GOLM1: variants seen among roughly 807,000 people sequenced by gnomAD.
The protein encoded by GOLM1 is golgi membrane protein 1.
In GOLM1, 31 loss-of-function variants were observed where a neutral mutation model predicts 50.5. The ratio of observed to expected loss-of-function variants is 0.61; its 90% confidence interval spans 0.46 to 0.83. The LOEUF (loss-of-function observed/expected upper bound fraction) is 0.83, where lower values mean the gene tolerates loss of function less well. GOLM1 is among the 40% of genes least tolerant of loss of function. The pLI is 0.00. For missense variants in GOLM1, 491 were observed against 501.3 expected (o/e 0.98, Z 0.20); for synonymous variants, 178 against 192.8 (o/e 0.92, Z 0.64).
At chr9:86,053,270 ACCACACCACACACCATT>A (rs1202077054) in intron 3 of GOLM1, among the ~76,000 whole-genome samples, 16 of 131,116 alleles carry the variant, frequency 1.2e-4, no homozygotes, top group South Asian at 7.8e-4. Flanking sequence ...ACAACGCCAG[ACCACACCACACACCATT>A]CCACACCACA....
chr9:86,062,346 G>GC lies in GOLM1; in HGVS notation c.310-9756dup, dbSNP rs1834184456. On this transcript the variant is annotated intron_variant, in intron 3 of 9. Coordinates refer to ENST00000388712, the MANE Select transcript of GOLM1 (RefSeq NM_016548.4). ...CAAGACTGGCTCACACCCTCCCCCA[G>GC]CATCTCCTGCACAGGGCACACTGCA... is the stretch of plus-strand genomic sequence containing the variant. Among the ~76,000 whole-genome samples, 3 of 152,078 alleles carry GC rather than the reference G, an allele frequency of 2.0e-5. 1 individual carries two copies. The highest frequency in any genetic ancestry group is 2.0e-4 in the Admixed American group (3 of 15,276).
intron 5 of GOLM1, among the ~76,000 whole-genome samples, chr9:86,044,448 A>G (rs1833466856): frequency 6.6e-6 from 1 of 152,226 alleles, no homozygotes. Context: ...ACGTGAGGCA[A>G]CTGATTCTCC....
chr9:86,094,621 T>C (rs556468962), intron 1 of GOLM1, among the ~76,000 whole-genome samples: 18 of 152,266 alleles, frequency 1.2e-4, no homozygotes, highest in African/African-American at 3.1e-4. Flanking sequence ...TGAAGAAAGG[T>C]TGAACCACCG....
At chr9:86,075,844 A>C (rs1374019170) in intron 3 of GOLM1, among the ~76,000 whole-genome samples, 1 of 152,206 alleles carries the variant, frequency 6.6e-6, no homozygotes, top group African/African-American at 2.4e-5. Context: ...ATATCTCACC[A>C]GTAAGAAAAG....
Position 86,033,413 on chromosome 9 carries a change from A to G in GOLM1, c.1016-18T>C, listed in dbSNP as rs373476882. On this transcript the variant is annotated intron_variant, in intron 8 of 9. Coordinates refer to ENST00000388712, the MANE Select transcript of GOLM1 (RefSeq NM_016548.4). ...GTTTCTCCCTGTAAAATTAGCACAT[A>G]AAACATAAGCTACATCATTTCTGTC... 2 of 1,417,782 alleles carry G rather than the reference A, an allele frequency of 1.4e-6. No homozygotes were observed. Among genetic ancestry groups the G allele is most frequent in the Non-Finnish European group, 2.0e-6 (2 of 1,000,828 alleles). The allele number at this position is 1,417,782 out of a possible 1,614,324, so 87.8% of individuals were successfully genotyped here.
chr9:86,090,623 T>C (rs1174516722), intron 1 of GOLM1, among the ~76,000 whole-genome samples: 1 of 152,004 alleles, frequency 6.6e-6, no homozygotes, highest in Non-Finnish European at 1.5e-5. Context: ...AACTTCAGAC[T>C]GCTGTGCTGG....
Position 86,026,275 on chromosome 9 carries a change from G to T in GOLM1, c.*1542C>A, listed in dbSNP as rs1051622555. 7.1e-6 allele frequency: 7 copies of T among 984,982 alleles called. No homozygotes were observed. In the African/African-American group the frequency reaches 8.7e-5, roughly 12 times the overall value. 61.0% of individuals were successfully genotyped at this position (984,982 alleles called of 1,614,324 possible). ...CCCAAGGAGGACTCAAAGTGAGGCT[G>T]GAAGAGGACTTAGAAGAGTATGAAA... On this transcript the variant is annotated 3_prime_UTR_variant, in exon 10 of 10. Coordinates refer to ENST00000388712, the MANE Select transcript of GOLM1 (RefSeq NM_016548.4).
At chr9:86,051,550 C>T in intron 4 of GOLM1, among the ~76,000 whole-genome samples, 1 of 152,016 alleles carries the variant, frequency 6.6e-6, no homozygotes, top group South Asian at 2.1e-4. Context: ...GGGGCACGCA[C>T]CCAATTATTA....
intron 1 of GOLM1, among the ~76,000 whole-genome samples, chr9:86,080,582 C>T (rs1286486664): frequency 1.3e-5 from 2 of 152,206 alleles, no homozygotes; most frequent in African/African-American, 2.4e-5. Context: ...AACTGATCCT[C>T]ACCCTATGGT....
At chr9:86,096,906 A>T (rs1431998194) in intron 1 of GOLM1, among the ~76,000 whole-genome samples, 3 of 152,166 alleles carry the variant, frequency 2.0e-5, no homozygotes, top group Non-Finnish European at 2.9e-5. Context: ...AGCAAATTAC[A>T]ATATAAACAA....
At chr9:86,030,053 A>T (rs1252483031) in intron 9 of GOLM1, among the ~76,000 whole-genome samples, 1 of 152,052 alleles carries the variant, frequency 6.6e-6, no homozygotes, top group Non-Finnish European at 1.5e-5. Flanking sequence ...CTGTACTGAA[A>T]ATACAAAATT....
intron 3 of GOLM1, among the ~76,000 whole-genome samples, chr9:86,067,118 T>C (rs1369171447): frequency 6.6e-6 from 1 of 152,208 alleles, no homozygotes; most frequent in Non-Finnish European, 1.5e-5. Context: ...GTATTTTTAG[T>C]AGAGACGGCA....
At chr9:86,044,911 C>T (rs1214898664) in intron 5 of GOLM1, among the ~76,000 whole-genome samples, 1 of 151,056 alleles carries the variant, frequency 6.6e-6, no homozygotes, top group African/African-American at 2.4e-5. Context: ...GAGATCGTAC[C>T]ACTGCACTCT....
intron 6 of GOLM1, chr9:86,036,764 G>A (rs952318812): frequency 4.2e-6 from 2 of 473,712 alleles, no homozygotes; most frequent in Non-Finnish European, 7.4e-6. Context: ...CTGAGAGGAA[G>A]CATTTACGGA....
chr9:86,028,642 A>G (rs1469532626), intron 9 of GOLM1, among the ~76,000 whole-genome samples: 1 of 152,180 alleles, frequency 6.6e-6, no homozygotes, highest in African/African-American at 2.4e-5. Context: ...TGGACAGCTA[A>G]GCTGAAAGAA....
intron 3 of GOLM1, among the ~76,000 whole-genome samples, chr9:86,053,411 T>A (rs1345402451): frequency 7.8e-5 from 7 of 89,218 alleles, no homozygotes; most frequent in East Asian, 3.8e-4. Flanking sequence ...CACCACACAC[T>A]TCACACCAAA....
chr9:86,038,160 GAAAAAA>G (rs552680791), intron 6 of GOLM1, among the ~76,000 whole-genome samples: 5 of 88,338 alleles, frequency 5.7e-5, no homozygotes, highest in Non-Finnish European at 1.0e-4. Flanking sequence ...AACACCAAAA[GAAAAAA>G]AAAAAAAAGA....
chr9:86,088,429 T>C (rs1390107814), intron 1 of GOLM1, among the ~76,000 whole-genome samples: 1 of 113,082 alleles, frequency 8.8e-6, no homozygotes, highest in African/African-American at 3.7e-5. Flanking sequence ...TGTATATATA[T>C]ATATATATAT....
At chr9:86,090,583 C>T (rs1835145507) in intron 1 of GOLM1, among the ~76,000 whole-genome samples, 1 of 152,102 alleles carries the variant, frequency 6.6e-6, no homozygotes, top group Non-Finnish European at 1.5e-5. Context: ...GGATGCCCCT[C>T]CCCTCTACCA....
Sources: gnomAD v4.1 joint callset for allele counts (sites outside exome capture counted in the v4.1 genomes callset) on GRCh38, gnomAD v4.1.1 for gene constraint, MANE v1.5 for transcripts, NCBI Gene and HGNC (gene_info 2026-07-23, HGNC 2026-07-21) for gene names.